Variants in ARHGAP8 observed in about 807,000 individuals in gnomAD.
ARHGAP8 encodes the protein rho GTPase-activating protein 8.
ARHGAP8 carries 62 observed loss-of-function variants against 46.1 expected under a neutral mutation model. The observed-to-expected ratio is 1.34, with a 90% CI of 1.10 to 1.66. The LOEUF is 1.66. Among genes scored for constraint, ARHGAP8 ranks in the 40% most tolerant of loss-of-function variants. The pLI is 0.00. For missense variants in ARHGAP8, 923 were observed against 568.4 expected, an observed-to-expected ratio of 1.62 and a Z score of -6.34; for synonymous variants, 375 against 243.1, an observed-to-expected ratio of 1.54 and a Z score of -5.05.
intron 1 of ARHGAP8, among the ~76,000 whole-genome samples, chr22:44,772,669 G>C (rs1195242197): frequency 6.6e-6 from 1 of 151,954 alleles, no homozygotes; most frequent in African/African-American, 2.4e-5. Context: ...TTTGGCATAA[G>C]GGTAATGCTG....
intron 2 of ARHGAP8, among the ~76,000 whole-genome samples, chr22:44,796,384 G>A (rs568701805): frequency 2.0e-5 from 3 of 152,160 alleles, no homozygotes; most frequent in African/African-American, 4.8e-5. Flanking sequence ...TGTATCATTC[G>A]GAATGCGGCT....
rs565633378 is a variant in ARHGAP8, at chr22:44,808,343, C to T, written c.204C>T (p.Asn68=). The part of the protein sequence containing the change: ...LKYTLDQYVE[N]DYTIVYFHYG... ...ACACACTGGACCAATACGTTGAGAA[C>T]GATTATACCATCGTCTATTTCCACT... The change falls in exon 4 of 12, where the codon AAC becomes AAT. Residue 68 remains asparagine (N), a synonymous_variant. Coordinates refer to ENST00000356099, the MANE Select transcript of ARHGAP8 (RefSeq NM_181335.3). 1.2e-5 allele frequency: 20 copies of T among 1,614,232 alleles called. No homozygotes were observed. The highest frequency in any genetic ancestry group is 1.2e-4 in the Admixed American group (7 of 60,032).
chr22:44,800,309 C>G (rs1334621251), intron 2 of ARHGAP8, among the ~76,000 whole-genome samples: 1 of 151,924 alleles, frequency 6.6e-6, no homozygotes, highest in Non-Finnish European at 1.5e-5. Context: ...TTTCACCATG[C>G]TGGCCAGGCT....
intron 1 of ARHGAP8, among the ~76,000 whole-genome samples, chr22:44,754,068 C>A (rs1370475550): frequency 6.6e-6 from 1 of 152,138 alleles, no homozygotes; most frequent in African/African-American, 2.4e-5. Flanking sequence ...CCAGCTGATT[C>A]TTGTGGACAG....
At chr22:44,861,861 T>G (rs1231765428) in intron 11 of ARHGAP8, among the ~76,000 whole-genome samples, 2 of 152,196 alleles carry the variant, frequency 1.3e-5, no homozygotes, top group East Asian at 1.9e-4. Flanking sequence ...TCCCTGCCCC[T>G]CGTAGTGGCC....
intron 3 of ARHGAP8, 72 bp from the exon 4 acceptor site, chr22:44,808,235 A>T: frequency 6.4e-7 from 1 of 1,562,408 alleles, no homozygotes; most frequent in Non-Finnish European, 8.7e-7. Flanking sequence ...AGCTTCCATT[A>T]TAGGGAAAGC....
At chr22:44,842,830 A>C (rs1482722676) in intron 7 of ARHGAP8, among the ~76,000 whole-genome samples, 1 of 152,218 alleles carries the variant, frequency 6.6e-6, no homozygotes, top group African/African-American at 2.4e-5. Context: ...GAGTTGTCTC[A>C]GTGCAAAGGC....
In ARHGAP8 at chr22:44,818,691, C is replaced by T. The variant is rs530450070; in HGVS notation, c.387-3680C>T. ...ATATAGTGTTTATTTTATTTTTCTT[C>T]CTTCCTTCCTTTTCTCTTTTTTTTT... On this transcript the variant is annotated intron_variant, in intron 5 of 11. Coordinates refer to ENST00000356099, the MANE Select transcript of ARHGAP8 (RefSeq NM_181335.3). Among the ~76,000 whole-genome samples, 6 of 123,736 alleles carry T rather than the reference C, an allele frequency of 4.8e-5. No individual in the cohort carries two copies. The East Asian group carries it at 2.0e-3, about 41-fold the overall frequency. The allele number at this position is 123,736 out of a possible 152,430, so 81.2% of individuals were successfully genotyped here. A position where few individuals can be genotyped will look rare whatever the true frequency, so the allele number is the denominator to read the frequency against.
At chr22:44,792,165 C>T (rs1323881232) in intron 2 of ARHGAP8, among the ~76,000 whole-genome samples, 1 of 152,078 alleles carries the variant, frequency 6.6e-6, no homozygotes, top group Non-Finnish European at 1.5e-5. Flanking sequence ...GCACCCACCA[C>T]CACGCCTGGC....
At chr22:44,813,054 T>C (rs1181860272) in intron 4 of ARHGAP8, among the ~76,000 whole-genome samples, 1 of 152,144 alleles carries the variant, frequency 6.6e-6, no homozygotes, top group Non-Finnish European at 1.5e-5. Context: ...AGGCTTATCT[T>C]GTATTTTTCT....
At chr22:44,859,269 C>T (rs1038314217) in intron 10 of ARHGAP8, among the ~76,000 whole-genome samples, 7 of 152,166 alleles carry the variant, frequency 4.6e-5, no homozygotes, top group Non-Finnish European at 7.3e-5. Flanking sequence ...GTGATTGGAT[C>T]ATGAGGGCAG....
chr22:44,815,331 G>T (rs957303176), intron 5 of ARHGAP8, among the ~76,000 whole-genome samples: 1 of 152,106 alleles, frequency 6.6e-6, no homozygotes, highest in Admixed American at 6.5e-5. Flanking sequence ...ATGTAGGCAC[G>T]GAGCATCCAC....
chr22:44,802,209 T>G, intron 3 of ARHGAP8, 45 bp downstream of exon 3: 1 of 1,607,854 alleles, frequency 6.2e-7, no homozygotes, highest in Non-Finnish European at 8.5e-7. Context: ...CTCTCCATGT[T>G]GCTTGTCCCC....
At chr22:44,811,410 G>A (rs574322418) in intron 4 of ARHGAP8, among the ~76,000 whole-genome samples, 1 of 152,360 alleles carries the variant, frequency 6.6e-6, no homozygotes, top group Admixed American at 6.5e-5. Flanking sequence ...CGCAGGTGGA[G>A]AGACTTGAAG....
At chr22:44,805,227 C>G (rs1393565351) in intron 3 of ARHGAP8, among the ~76,000 whole-genome samples, 3 of 152,214 alleles carry the variant, frequency 2.0e-5, no homozygotes, top group Admixed American at 1.3e-4. Context: ...GGAATGAGCT[C>G]ACGATTTGCT....
intron 10 of ARHGAP8, among the ~76,000 whole-genome samples, chr22:44,858,826 T>G (rs1241668565): frequency 6.6e-6 from 1 of 151,090 alleles, no homozygotes; most frequent in East Asian, 1.9e-4. Context: ...CGATTTGTGG[T>G]GCTGAGAATC....
At chr22:44,805,889 T>C (rs1928888871) in intron 3 of ARHGAP8, among the ~76,000 whole-genome samples, 1 of 152,224 alleles carries the variant, frequency 6.6e-6, no homozygotes, top group Non-Finnish European at 1.5e-5. Flanking sequence ...TCTATGTCTT[T>C]GAAACCCAAC....
At position 44,753,637 on chromosome 22, in the gene ARHGAP8, T is replaced by C. The variant is rs562695794; in HGVS notation, c.-72+1010T>C. Among the ~76,000 whole-genome samples the C allele has an allele frequency of 2.4e-4, 36 of 151,288 alleles. No homozygotes were observed. In the East Asian group the frequency reaches 6.5e-3, roughly 27 times the overall value. On this transcript the variant is annotated intron_variant, in intron 1 of 11. Transcript: ENST00000356099. ...TGGGGGGTGGGGGGGCTCCTGAGAA[T>C]CCCTCGGGCTCTGCCACACCCTGAC... is the stretch of plus-strand genomic sequence containing the variant.
intron 1 of ARHGAP8, among the ~76,000 whole-genome samples, chr22:44,772,267 C>T: frequency 2.3e-5 from 2 of 85,934 alleles, no homozygotes; most frequent in East Asian, 4.1e-4. Flanking sequence ...GACTGAGTCT[C>T]TGTTGCCCAG....
Sources: allele counts gnomAD v4.1 joint callset (sites outside exome capture counted in the v4.1 genomes callset), GRCh38; gene constraint gnomAD v4.1.1; transcripts MANE v1.5; gene names NCBI Gene and HGNC (gene_info 2026-07-23, HGNC 2026-07-21).